Variants in SGCZ observed in about 807,000 individuals in gnomAD.
The protein encoded by SGCZ is zeta-sarcoglycan.
Under a neutral mutation model 41.3 loss-of-function variants are expected in SGCZ, and 40 were observed. The ratio of observed to expected loss-of-function variants is 0.97; its 90% CI spans 0.75 to 1.26. The LOEUF (loss-of-function observed/expected upper bound fraction) is 1.26. Ranked by LOEUF, SGCZ falls within the 50% of genes most tolerant of loss-of-function variation. The pLI, the probability that SGCZ is intolerant of heterozygous loss-of-function variation, is 0.00. For missense variants in SGCZ, 552 were observed against 369.8 expected, an observed-to-expected ratio of 1.49 and a Z score of -4.04; for synonymous variants, 206 against 137.5, an observed-to-expected ratio of 1.50 and a Z score of -3.49.
At chr8:14,236,317 G>A (rs1015598727) in intron 4 of SGCZ, among the ~76,000 whole-genome samples, 40 of 152,164 alleles carry the variant, frequency 2.6e-4, no homozygotes, top group African/African-American at 8.9e-4. Context: ...TTATCCAGTT[G>A]TAGCAATTAA....
Position 14,085,590 on chromosome 8 carries a change from T to C in SGCZ, c.*4853A>G, listed in dbSNP as rs1801500854. Among the ~76,000 whole-genome samples, 1 of 151,796 alleles carries C rather than the reference T, an allele frequency of 6.6e-6. No individual in the cohort carries two copies. The highest frequency in any genetic ancestry group is 6.6e-5 in the Admixed American group (1 of 15,186). On this transcript the variant is annotated 3_prime_UTR_variant, in exon 8 of 8. Coordinates refer to ENST00000382080, the MANE Select transcript of SGCZ (RefSeq NM_139167.4). ...AAATAGCCCTCTGGTTCTACAAGTATTTCAAATTTTATTCTCCAAATAGTG... is the reference window on the plus strand; with the variant it reads ...AAATAGCCCTCTGGTTCTACAAGTACTTCAAATTTTATTCTCCAAATAGTG...
At chr8:14,311,514 A>G (rs1801543158) in intron 3 of SGCZ, among the ~76,000 whole-genome samples, 1 of 152,166 alleles carries the variant, frequency 6.6e-6, no homozygotes, top group East Asian at 1.9e-4. Flanking sequence ...ATCTCTTCAA[A>G]TCTTTTTGGA....
At chr8:14,383,864 G>T (rs1804463296) in intron 2 of SGCZ, among the ~76,000 whole-genome samples, 4 of 152,138 alleles carry the variant, frequency 2.6e-5, no homozygotes, top group Non-Finnish European at 1.5e-5. Flanking sequence ...GGCAGGAAGA[G>T]TGGAGAAACT....
rs1052416057 is a variant in SGCZ at position 14,421,432 on chromosome 8, C to G, written c.235-97228G>C. ...ATTCACTGATTAATGCATGTATATA[C>G]CAGGTCTTGGGATCCCACAGCAAAT... On this transcript the variant is annotated intron_variant, in intron 2 of 7. Coordinates refer to ENST00000382080, the MANE Select transcript of SGCZ (RefSeq NM_139167.4). 4.6e-5 allele frequency among the ~76,000 whole-genome samples: 7 copies of G among 152,098 alleles called. 1 individual carries two copies. Among genetic ancestry groups the G allele is most frequent in the Admixed American group, 4.6e-4 (7 of 15,260 alleles).
At position 14,087,714 on chromosome 8, in the gene SGCZ, TAAA is replaced by T. The variant is rs200896009; in HGVS notation, c.*2726_*2728del. Among the ~76,000 whole-genome samples, 2,946 of 147,492 alleles carry T rather than the reference TAAA, an allele frequency of 0.02. 87 individuals are homozygous for T. Among genetic ancestry groups the T allele is most frequent in the African/African-American group, 0.066 (2,676 of 40,570 alleles). On this transcript the variant is annotated 3_prime_UTR_variant, in exon 8 of 8. Transcript: ENST00000382080. ...TGCAATTAAGGGACCACTATATTTTTAAAAAAAAAAAAATGCTTTTTTGTGTTT... is the reference window on the plus strand; with the variant it reads ...TGCAATTAAGGGACCACTATATTTTTAAAAAAAAAATGCTTTTTTGTGTTT...
At chr8:14,474,785 AT>A (rs1801311800) in intron 2 of SGCZ, among the ~76,000 whole-genome samples, 1 of 152,168 alleles carries the variant, frequency 6.6e-6, no homozygotes, top group Admixed American at 6.5e-5. Context: ...AAAACCTTTT[AT>A]TATATCCAAA....
intron 2 of SGCZ, among the ~76,000 whole-genome samples, chr8:14,374,520 A>G (rs1804039294): frequency 1.3e-5 from 2 of 152,198 alleles, no homozygotes; most frequent in South Asian, 2.1e-4. Flanking sequence ...GAATGAGACT[A>G]AAAGAAGATG....
At chr8:15,226,920 G>C (rs1406673141) in intron 1 of SGCZ, among the ~76,000 whole-genome samples, 1 of 152,184 alleles carries the variant, frequency 6.6e-6, no homozygotes, top group Admixed American at 6.5e-5. Context: ...GATCTTCTGA[G>C]CTCCAGCTTG....
chr8:14,819,944 A>G (rs1802023288), intron 1 of SGCZ, among the ~76,000 whole-genome samples: 1 of 152,124 alleles, frequency 6.6e-6, no homozygotes, highest in Non-Finnish European at 1.5e-5. Flanking sequence ...GCCACAGAGT[A>G]AGAAAGGAAC....
intron 1 of SGCZ, among the ~76,000 whole-genome samples, chr8:14,695,396 A>G (rs1237023816): frequency 6.6e-6 from 1 of 152,170 alleles, no homozygotes; most frequent in African/African-American, 2.4e-5. Context: ...ATGTAAAATA[A>G]GTATCATTAG....
At chr8:14,630,095 C>A (rs1426004438) in intron 1 of SGCZ, among the ~76,000 whole-genome samples, 1 of 152,066 alleles carries the variant, frequency 6.6e-6, no homozygotes, top group African/African-American at 2.4e-5. Flanking sequence ...TTTCCTTAAG[C>A]ATTGTTAGTT....
chr8:14,962,728 A>G (rs571935390), intron 1 of SGCZ, among the ~76,000 whole-genome samples: 35 of 152,350 alleles, frequency 2.3e-4, no homozygotes, highest in Middle Eastern at 3.4e-3. Flanking sequence ...TTGTCTAAAC[A>G]GCATGCTTAA....
chr8:14,890,389 G>A (rs1219191824), intron 1 of SGCZ, among the ~76,000 whole-genome samples: 4 of 152,198 alleles, frequency 2.6e-5, no homozygotes, highest in African/African-American at 9.7e-5. Context: ...CCTTATTTTT[G>A]ATATAGAGAC....
chr8:14,716,633 C>G (rs941989077), intron 1 of SGCZ, among the ~76,000 whole-genome samples: 8 of 152,052 alleles, frequency 5.3e-5, no homozygotes, highest in Non-Finnish European at 7.4e-5. Context: ...AAAATTAAAA[C>G]CAAACCCATC....
chr8:14,215,728 T>A (rs956062698), intron 4 of SGCZ, among the ~76,000 whole-genome samples: 1 of 152,114 alleles, frequency 6.6e-6, no homozygotes, highest in Non-Finnish European at 1.5e-5. Context: ...CACAAATTTG[T>A]ACATATAAAA....
At chr8:14,959,934 C>A (rs530968505) in intron 1 of SGCZ, among the ~76,000 whole-genome samples, 31 of 152,226 alleles carry the variant, frequency 2.0e-4, no homozygotes, top group East Asian at 1.5e-3. Flanking sequence ...TAACTGATTA[C>A]CATGGGGCTG....
At chr8:14,573,452 T>A (rs902192819) in intron 1 of SGCZ, among the ~76,000 whole-genome samples, 1 of 152,034 alleles carries the variant, frequency 6.6e-6, no homozygotes, top group African/African-American at 2.4e-5. Flanking sequence ...CCTCCCAAAG[T>A]GCTGGGATTA....
intron 1 of SGCZ, among the ~76,000 whole-genome samples, chr8:15,031,470 T>C (rs2130959080): frequency 6.6e-6 from 1 of 152,306 alleles, no homozygotes; most frequent in Non-Finnish European, 1.5e-5. Flanking sequence ...CAATGATAGC[T>C]AACATTTATT....
chr8:14,444,241 G>A (rs1406555438), intron 2 of SGCZ, among the ~76,000 whole-genome samples: 1 of 152,242 alleles, frequency 6.6e-6, no homozygotes, highest in East Asian at 1.9e-4. Flanking sequence ...AACCATTGTG[G>A]AAGTCAGTGT....
Sources: gnomAD v4.1 joint callset for allele counts (sites outside exome capture counted in the v4.1 genomes callset) on GRCh38, gnomAD v4.1.1 for gene constraint, MANE v1.5 for transcripts, NCBI Gene and HGNC (gene_info 2026-07-23, HGNC 2026-07-21) for gene names.